CTNNA2: variants seen among roughly 807,000 people sequenced by gnomAD.
CTNNA2 encodes the protein catenin alpha 2.
CTNNA2 carries 42 observed loss-of-function variants against 101.0 expected under a neutral mutation model. The ratio of observed to expected loss-of-function variants is 0.42; its 90% CI spans 0.32 to 0.54. The LOEUF (loss-of-function observed/expected upper bound fraction) is 0.54, where lower values mean the gene tolerates loss of function less well. Ranked by LOEUF, CTNNA2 falls within the 20% of genes least tolerant of loss-of-function variation. The pLI is 0.14. For synonymous variants in CTNNA2, 450 were observed against 456.4 expected, an observed-to-expected ratio of 0.99 and a Z score of 0.18; for missense variants, 871 against 1,223.1, an observed-to-expected ratio of 0.71 and a Z score of 4.29.
chr2:79,379,838 CT>C (rs1558653271), intron 4 of CTNNA2, among the ~76,000 whole-genome samples: 1 of 152,046 alleles, frequency 6.6e-6, no homozygotes, highest in Non-Finnish European at 1.5e-5. Flanking sequence ...AGTTAACTTT[CT>C]GGAAATGAGA....
intron 7 of CTNNA2, among the ~76,000 whole-genome samples, chr2:79,920,644 A>G (rs1686589096): frequency 6.6e-6 from 1 of 152,194 alleles, no homozygotes; most frequent in South Asian, 2.1e-4. Flanking sequence ...CTACTACCTG[A>G]TAAAACACTC....
rs945693787 is a variant in CTNNA2 at position 80,426,788 on chromosome 2, T to G, written c.1290+7187T>G. 7.9e-5 allele frequency among the ~76,000 whole-genome samples: 12 copies of G among 151,904 alleles called. 1 individual carries two copies. The highest frequency in any genetic ancestry group is 1.6e-4 in the Non-Finnish European group (11 of 68,008). ...ATCAGCCACACTTGCCATCTTTTGC[T>G]TGTTAAATGTGTCATACTCCCTCCC... On this transcript the variant is annotated intron_variant, in intron 9 of 18. Coordinates refer to ENST00000402739, the MANE Select transcript of CTNNA2 (RefSeq NM_001282597.3).
At chr2:80,346,107 G>C (rs910271410) in intron 7 of CTNNA2, among the ~76,000 whole-genome samples, 1 of 152,120 alleles carries the variant, frequency 6.6e-6, no homozygotes, top group African/African-American at 2.4e-5. Context: ...TATTTATTTT[G>C]TTTCGGGGAC....
At chr2:80,608,549 A>G (rs780248654) in intron 17 of CTNNA2, 29 of 347,822 alleles carry the variant, frequency 8.3e-5, no homozygotes, top group Non-Finnish European at 1.3e-4. Context: ...TCCATTCTTC[A>G]CAAGAAAACT....
chr2:80,130,651 G>C (rs1398718562), intron 7 of CTNNA2, among the ~76,000 whole-genome samples: 1 of 152,150 alleles, frequency 6.6e-6, no homozygotes, highest in Admixed American at 6.5e-5. Context: ...GCGGGAGGTG[G>C]CTAGAACCTA....
chr2:80,607,095 C>A (rs564405927), intron 16 of CTNNA2, among the ~76,000 whole-genome samples: 3 of 151,826 alleles, frequency 2.0e-5, no homozygotes, highest in Non-Finnish European at 4.4e-5. Context: ...TATATGTAAT[C>A]ACTGGCTTTA....
At chr2:79,748,328 C>T (rs112297381) in intron 3 of CTNNA2, among the ~76,000 whole-genome samples, 1 of 152,148 alleles carries the variant, frequency 6.6e-6, no homozygotes, top group Admixed American at 6.5e-5. Flanking sequence ...AGTATCTTTC[C>T]TTCTATCATA....
At chr2:79,720,365 A>G (rs1686401559) in intron 2 of CTNNA2, among the ~76,000 whole-genome samples, 1 of 151,984 alleles carries the variant, frequency 6.6e-6, no homozygotes, top group Non-Finnish European at 1.5e-5. Flanking sequence ...AGGATTGCTT[A>G]GGCAATTCAG....
chr2:79,824,555 C>T (rs1331698546), intron 3 of CTNNA2, among the ~76,000 whole-genome samples: 5 of 152,190 alleles, frequency 3.3e-5, no homozygotes, highest in Non-Finnish European at 7.3e-5. Context: ...ATTTCCCTTA[C>T]TTTCTCAAAA....
intron 3 of CTNNA2, among the ~76,000 whole-genome samples, chr2:79,856,755 G>A (rs1681169901): frequency 6.6e-6 from 1 of 151,954 alleles, no homozygotes; most frequent in African/African-American, 2.4e-5. Flanking sequence ...TGAACCTTTT[G>A]TCTGGTCTTC....
At chr2:80,496,000 G>A (rs1426484555) in intron 9 of CTNNA2, among the ~76,000 whole-genome samples, 5 of 141,692 alleles carry the variant, frequency 3.5e-5, no homozygotes, top group East Asian at 4.5e-4. Context: ...CACATAGGGA[G>A]AAGGCTGTGT....
chr2:79,769,327 G>T (rs1007897698), intron 3 of CTNNA2, among the ~76,000 whole-genome samples: 9 of 152,148 alleles, frequency 5.9e-5, no homozygotes, highest in African/African-American at 1.7e-4. Flanking sequence ...CTTAATCAAT[G>T]CATTTTCCTT....
chr2:79,395,997 A>C (rs1312932249), intron 4 of CTNNA2, among the ~76,000 whole-genome samples: 1 of 152,184 alleles, frequency 6.6e-6, no homozygotes, highest in East Asian at 1.9e-4. Flanking sequence ...TATATTTCAC[A>C]TTTACGGTCT....
chr2:80,046,732 A>G (rs1313970651), intron 7 of CTNNA2, among the ~76,000 whole-genome samples: 1 of 152,224 alleles, frequency 6.6e-6, no homozygotes, highest in African/African-American at 2.4e-5. Flanking sequence ...TTGTTTTGTC[A>G]GTTGAGCAAT....
At chr2:80,337,546 G>T (rs974903301) in intron 7 of CTNNA2, among the ~76,000 whole-genome samples, 2 of 142,876 alleles carry the variant, frequency 1.4e-5, no homozygotes, top group Non-Finnish European at 3.0e-5. Flanking sequence ...GCAGAAGAAC[G>T]ATACTCCACA....
intron 7 of CTNNA2, among the ~76,000 whole-genome samples, chr2:80,165,018 G>A (rs757262260): frequency 1.3e-4 from 19 of 148,980 alleles, no homozygotes; most frequent in Non-Finnish European, 2.4e-4. Context: ...TGCCTTAATA[G>A]GGATTTCTTT....
At chr2:80,603,316 A>G (rs1697717858) in intron 15 of CTNNA2, among the ~76,000 whole-genome samples, 1 of 152,130 alleles carries the variant, frequency 6.6e-6, no homozygotes, top group Non-Finnish European at 1.5e-5. Flanking sequence ...AAGACATATA[A>G]TATTAAACAC....
chr2:79,257,088 T>C (rs917065500), intron 2 of CTNNA2, among the ~76,000 whole-genome samples: 4 of 152,312 alleles, frequency 2.6e-5, no homozygotes, highest in Non-Finnish European at 2.9e-5. Context: ...AAGTTAAAGA[T>C]TGTTTCAGCC....
chr2:80,138,722 T>A (rs1325330032), intron 7 of CTNNA2, among the ~76,000 whole-genome samples: 2 of 152,158 alleles, frequency 1.3e-5, no homozygotes, highest in Admixed American at 1.3e-4. Flanking sequence ...ATTCTTGATT[T>A]TTCTCATCTG....
Sources: gnomAD v4.1 joint callset for allele counts (sites outside exome capture counted in the v4.1 genomes callset) on GRCh38, gnomAD v4.1.1 for gene constraint, MANE v1.5 for transcripts, NCBI Gene and HGNC (gene_info 2026-07-23, HGNC 2026-07-21) for gene names.